Variants in PXK observed in about 807,000 individuals in gnomAD.
The protein encoded by PXK is PX domain containing serine/threonine kinase like, also known as PX domain-containing protein kinase-like protein.
A neutral mutation model predicts 84.7 loss-of-function variants in PXK; 35 were observed. The observed-to-expected ratio is 0.41, with a 90% CI of 0.32 to 0.55. PXK has a LOEUF of 0.55. Among genes scored for constraint, PXK ranks in the 20% least tolerant of loss-of-function variants. The pLI is 0.21. For synonymous variants in PXK, 253 were observed against 260.8 expected, an observed-to-expected ratio of 0.97 and a Z score of 0.29; for missense variants, 634 against 699.7, an observed-to-expected ratio of 0.91 and a Z score of 1.06.
At chr3:58,417,357 G>GTA (rs1385474087) in intron 17 of PXK, among the ~76,000 whole-genome samples, 1 of 152,228 alleles carries the variant, frequency 6.6e-6, no homozygotes, top group Non-Finnish European at 1.5e-5. Context: ...AGCATCGGTT[G>GTA]TAAGCACATT....
At chr3:58,349,946 C>T (rs1012177054) in intron 1 of PXK, among the ~76,000 whole-genome samples, 1 of 152,148 alleles carries the variant, frequency 6.6e-6, no homozygotes, top group African/African-American at 2.4e-5. Flanking sequence ...CTACTGAGTC[C>T]CAGAGCCTCT....
At position 58,424,889 on chromosome 3, in the gene PXK, A is replaced by G. The variant is rs373074088; in HGVS notation, c.1666A>G (p.Ile556Val). The G allele has an allele frequency of 9.0e-5, 146 of 1,614,108 alleles. No individual in the cohort carries two copies. Among genetic ancestry groups the G allele is most frequent in the Non-Finnish European group, 1.2e-4 (137 of 1,180,046 alleles). Residue 556 changes from isoleucine to valine, a missense_variant, in exon 18 of 18, where the codon ATC (isoleucine) becomes GTC (valine). Ile to Val is a conservative substitution (Grantham distance 29). Transcript: ENST00000356151. ...GMSRGALLSS[I>V]QNFQKGTLRK... The stretch of plus-strand genomic sequence containing the variant: ...GAGCCGAGGGGCCTTGCTCAGCTCC[A>G]TCCAGAATTTCCAAAAAGGAACTTT...
chr3:58,343,956 A>G (rs1052316963), intron 1 of PXK, among the ~76,000 whole-genome samples: 4 of 152,150 alleles, frequency 2.6e-5, no homozygotes, highest in East Asian at 1.9e-4. Context: ...AGGTACACTC[A>G]TTTTATACAC....
chr3:58,419,905 GGCC>G, intron 17 of PXK, among the ~76,000 whole-genome samples: 1 of 136,300 alleles, frequency 7.3e-6, no homozygotes, highest in Non-Finnish European at 1.7e-5. Context: ...ACGGCTTTAT[GGCC>G]TTAAGTAAGT....
At position 58,411,495 on chromosome 3, in the gene PXK, G is replaced by T. The variant is rs2060197664; in HGVS notation, c.1465+1336G>T. 6.6e-6 allele frequency among the ~76,000 whole-genome samples: 1 copy of T among 152,182 alleles called. No individual in the cohort carries two copies. Among genetic ancestry groups the T allele is most frequent in the Non-Finnish European group, 1.5e-5 (1 of 68,026 alleles). ...GAAGCCTATCTTCGCCATGGTTGAT[G>T]GGAGGGACATGGACCGGTCATGGTC... On this transcript the variant is annotated intron_variant, in intron 16 of 17. Transcript: ENST00000356151. This position sits in a 1 kb window ranked among gnomAD's most constrained non-coding sequence, Gnocchi z 4.2.
At chr3:58,405,836 C>T (rs1277991240) in intron 13 of PXK, among the ~76,000 whole-genome samples, 1 of 151,904 alleles carries the variant, frequency 6.6e-6, no homozygotes, top group Non-Finnish European at 1.5e-5. Flanking sequence ...TGGAATGTCT[C>T]CCAACAGGGA....
In PXK at chr3:58,401,097, G is replaced by A. The variant is rs2058496478; in HGVS notation, c.1181+1720G>A. Among the ~76,000 whole-genome samples the A allele has an allele frequency of 6.6e-6, 1 of 152,150 alleles. No individual in the cohort carries two copies. The highest frequency in any genetic ancestry group is 1.5e-5 in the Non-Finnish European group (1 of 68,034). ...CTTACATCTTTCTCTCAGTCTTCCAGTCCTTAAGTGAATCCAAATATTTTT... is the reference window on the plus strand; with the variant it reads ...CTTACATCTTTCTCTCAGTCTTCCAATCCTTAAGTGAATCCAAATATTTTT... On this transcript the variant is annotated intron_variant, in intron 12 of 17. Transcript: ENST00000356151. The surrounding 1 kb of genome is among the most constrained non-coding windows in gnomAD (Gnocchi z 4.4).
chr3:58,386,753 G>C (rs2098555399), intron 4 of PXK, among the ~76,000 whole-genome samples: 1 of 152,110 alleles, frequency 6.6e-6, no homozygotes, highest in Non-Finnish European at 1.5e-5. Context: ...CCTGTATCAT[G>C]GTCCCAGCTT....
At position 58,387,548 on chromosome 3, in the gene PXK, C is replaced by T. The variant is rs142865639; in HGVS notation, c.389-3034C>T. ...GAGGCGGGGGCATGGATGATCCACA[C>T]CTAAAGTTGAAGGAAGGCTTCCCAG... On this transcript the variant is annotated intron_variant, in intron 4 of 17. Transcript: ENST00000356151. 4.8e-4 allele frequency among the ~76,000 whole-genome samples: 73 copies of T among 151,996 alleles called. 1 individual carries two copies. The highest frequency in any genetic ancestry group is 1.7e-3 in the African/African-American group (72 of 41,472).
intron 1 of PXK, among the ~76,000 whole-genome samples, chr3:58,354,253 T>C (rs1445545042): frequency 6.6e-6 from 1 of 151,972 alleles, no homozygotes; most frequent in African/African-American, 2.4e-5. Flanking sequence ...CAGAGCCCAG[T>C]GTGAGGGATT....
intron 4 of PXK, 110 bp downstream of exon 4, chr3:58,382,810 AT>A: frequency 2.6e-6 from 2 of 777,230 alleles, no homozygotes; most frequent in Middle Eastern, 2.5e-4. Context: ...ATGTGTATAC[AT>A]TTGTTATAGC....
At chr3:58,357,440 T>G (rs897851801) in intron 1 of PXK, among the ~76,000 whole-genome samples, 2 of 152,184 alleles carry the variant, frequency 1.3e-5, no homozygotes, top group African/African-American at 4.8e-5. Context: ...TAGCAATGCC[T>G]TCTGGACACC....
intron 1 of PXK, among the ~76,000 whole-genome samples, chr3:58,336,101 G>A (rs74834816): frequency 0.067 from 7,885 of 117,090 alleles, 373 homozygotes; most frequent in Middle Eastern, 0.12. Flanking sequence ...ATACCAATGG[G>A]GTTCTTGCTG....
intron 17 of PXK, chr3:58,422,745 C>A (rs955088402): frequency 4.1e-6 from 4 of 985,288 alleles, no homozygotes; most frequent in Non-Finnish European, 1.2e-6. Flanking sequence ...TACCCCTCAG[C>A]CCAGCCCTGA....
chr3:58,332,915 C>T lies in PXK; in HGVS notation c.-74C>T. The T allele has an allele frequency of 1.0e-6, 1 of 988,830 alleles. No homozygotes were observed. The highest frequency in any genetic ancestry group is 4.5e-5 in the East Asian group (1 of 22,384). 61.3% of individuals were successfully genotyped at this position (988,830 alleles called of 1,614,324 possible). On this transcript the variant is annotated 5_prime_UTR_variant, in exon 1 of 18. Coordinates refer to ENST00000356151, the MANE Select transcript of PXK (RefSeq NM_017771.5). This position sits in a 1 kb window ranked among gnomAD's most constrained non-coding sequence, Gnocchi z 5.6. ...GTGTTGACAGCGGCGGCGGTGGAACCGGGCGGGCGGCGGGAGTCGGCGCCT... is the reference window on the plus strand; with the variant it reads ...GTGTTGACAGCGGCGGCGGTGGAACTGGGCGGGCGGCGGGAGTCGGCGCCT...
intron 16 of PXK, among the ~76,000 whole-genome samples, chr3:58,410,962 C>A (rs2060116189): frequency 6.6e-6 from 1 of 152,178 alleles, no homozygotes; most frequent in Non-Finnish European, 1.5e-5. Flanking sequence ...CGGTAACTGG[C>A]AGGGGCACCA....
rs545800056 is a variant in PXK at position 58,425,608 on chromosome 3, A to G, written c.*648A>G. The G allele has an allele frequency of 6.6e-6, 1 of 152,344 alleles. No homozygotes were observed. Among genetic ancestry groups the G allele is most frequent in the East Asian group, 1.9e-4 (1 of 5,182 alleles). The allele number at this position is 152,344 out of a possible 1,614,324, so 9.4% of individuals were successfully genotyped here. On this transcript the variant is annotated 3_prime_UTR_variant, in exon 18 of 18. Coordinates refer to ENST00000356151, the MANE Select transcript of PXK (RefSeq NM_017771.5). ...GCTAAAGCAACTACTCTAGACCCAT[A>G]GTTCTTTTTAGTTAGATGTATTGAA...
In PXK at chr3:58,388,419, C is replaced by T. The variant is rs557718211; in HGVS notation, c.389-2163C>T. On this transcript the variant is annotated intron_variant, in intron 4 of 17. Coordinates refer to ENST00000356151, the MANE Select transcript of PXK (RefSeq NM_017771.5). ...TTGTACACATTAGAGAATTATTTTT[C>T]ATGCTCCTTCTCAAAGTTGATATGA... is the stretch of plus-strand genomic sequence containing the variant. Among the ~76,000 whole-genome samples the T allele has an allele frequency of 2.6e-5, 4 of 152,332 alleles. No homozygotes were observed. The East Asian group carries it at 7.7e-4, about 29-fold the overall frequency.
intron 2 of PXK, among the ~76,000 whole-genome samples, chr3:58,366,860 A>T (rs1045422646): frequency 1.3e-5 from 2 of 152,214 alleles, no homozygotes; most frequent in Non-Finnish European, 2.9e-5. Flanking sequence ...TCACAGTTAG[A>T]TCATTGGCAG....
Sources: allele counts gnomAD v4.1 joint callset (sites outside exome capture counted in the v4.1 genomes callset), GRCh38; gene constraint gnomAD v4.1.1; non-coding constraint Gnocchi (gnomAD v3.1); transcripts MANE v1.5; gene names NCBI Gene and HGNC (gene_info 2026-07-23, HGNC 2026-07-21).